Variants in ZNF705B observed in about 807,000 individuals in gnomAD.
ZNF705B encodes Putative zinc finger protein 705D-like protein LOC100132396.
Under a neutral mutation model 10.5 loss-of-function variants are expected in ZNF705B, and 1 was observed. The observed-to-expected ratio is 0.10, with a 90% CI of 0.03 to 0.45. The LOEUF (loss-of-function observed/expected upper bound fraction) is 0.45. Among genes scored for constraint, ZNF705B ranks in the 20% least tolerant of loss-of-function variants. ZNF705B has a pLI of 0.97. For missense variants in ZNF705B, 14 were observed against 84.0 expected (o/e 0.17, Z 3.26); for synonymous variants, 4 against 25.4 (o/e 0.16, Z 2.53).
At chr8:7,930,937 G>A (rs2719529) in intron 2 of ZNF705B, among the ~76,000 whole-genome samples, 15,854 of 78,982 alleles carry the variant, frequency 0.2, 1,647 homozygotes, top group Admixed American at 0.28. Flanking sequence ...ACTCACTGCA[G>A]CTCTGCCTCC....
chr8:7,931,180 C>A (rs376344971), intron 2 of ZNF705B, among the ~76,000 whole-genome samples: 3 of 121,004 alleles, frequency 2.5e-5, no homozygotes, highest in African/African-American at 5.0e-5. Flanking sequence ...GTGGTGAGCT[C>A]GGTAGATAGG....
chr8:7,937,218 C>A lies in ZNF705B; in HGVS notation c.-72+6782C>A, dbSNP rs546255372. Among the ~76,000 whole-genome samples, 769 of 118,574 alleles carry A rather than the reference C, an allele frequency of 6.5e-3. 36 individuals are homozygous for A. The highest frequency in any genetic ancestry group is 0.019 in the African/African-American group (730 of 38,782). The allele number at this position is 118,574 out of a possible 152,430, so 77.8% of individuals were successfully genotyped here. A position where few individuals can be genotyped will look rare whatever the true frequency, so the allele number is the denominator to read the frequency against. On this transcript the variant is annotated intron_variant, in intron 2 of 6. Transcript: ENST00000400120. Reference sequence around the variant, plus strand: ...CAGCACTAAGGCTTGGTATTCTGAGCCTCATTCTATTTTCCACTCTTGCCC... The same window carrying A: ...CAGCACTAAGGCTTGGTATTCTGAGACTCATTCTATTTTCCACTCTTGCCC...
Position 7,932,168 on chromosome 8 carries a change from G to A in ZNF705B, c.-72+1732G>A, listed in dbSNP as rs569987740. 7.1e-4 allele frequency among the ~76,000 whole-genome samples: 86 copies of A among 121,288 alleles called. 6 individuals are homozygous for A. The highest frequency in any genetic ancestry group is 2.1e-3 in the African/African-American group (82 of 39,846). The allele number at this position is 121,288 out of a possible 152,430, so 79.6% of individuals were successfully genotyped here. ...TGCAAGGGCTGAGAGACTGTCCCTT[G>A]GCTAGGATTGCAGTGTCCACAGTGG... On this transcript the variant is annotated intron_variant, in intron 2 of 6. Transcript: ENST00000400120.
chr8:7,935,296 C>G (rs77193404), intron 2 of ZNF705B, among the ~76,000 whole-genome samples: 1 of 144,128 alleles, frequency 6.9e-6, no homozygotes, highest in Non-Finnish European at 1.6e-5. Flanking sequence ...GTGAAACATT[C>G]AAGGTCTTCT....
chr8:7,936,710 G>A lies in ZNF705B; in HGVS notation c.-72+6274G>A, dbSNP rs1820025262. On this transcript the variant is annotated intron_variant, in intron 2 of 6. Transcript: ENST00000400120. ...ATAAAAATGGGAACAAGAGAGATTG[G>A]GTCTTACCAGGAGGGGAGGGAGAGG... Among the ~76,000 whole-genome samples, 8 of 118,102 alleles carry A rather than the reference G, an allele frequency of 6.8e-5. No homozygotes were observed. In the South Asian group the frequency reaches 2.3e-3, roughly 34 times the overall value. 77.5% of individuals were successfully genotyped at this position (118,102 alleles called of 152,430 possible).
chr8:7,937,643 G>A (rs530716963), intron 2 of ZNF705B, among the ~76,000 whole-genome samples: 1 of 119,820 alleles, frequency 8.3e-6, no homozygotes, highest in East Asian at 2.4e-4. Flanking sequence ...TATTTAACAA[G>A]TACTAGTGAG....
chr8:7,929,778 G>A (rs530017640), intron 1 of ZNF705B, among the ~76,000 whole-genome samples: 251 of 108,142 alleles, frequency 2.3e-3, no homozygotes, highest in African/African-American at 6.1e-3. Flanking sequence ...ACCACTAAAG[G>A]ATGCTTTATT....
rs539799913 is a variant in ZNF705B at position 7,940,868 on chromosome 8, T to G, written c.-71-6483T>G. 1.8e-3 allele frequency among the ~76,000 whole-genome samples: 266 copies of G among 145,232 alleles called. 1 individual carries two copies. Among genetic ancestry groups the G allele is most frequent in the African/African-American group, 6.5e-3 (261 of 40,308 alleles). The stretch of plus-strand genomic sequence containing the variant: ...ACCTGCCTCCCAACAGGCCCCAGTG[T>G]GTGTTGTTCCCCTCCTAATATCCAT... On this transcript the variant is annotated intron_variant, in intron 2 of 6. Transcript: ENST00000400120.
At chr8:7,934,692 C>CTGTGTGTGTGTGTGTGTG (rs772466497) in intron 2 of ZNF705B, 245 of 78,940 alleles carry the variant, frequency 3.1e-3, no homozygotes, top group African/African-American at 0.013. Context: ...GTGTGTGTGT[C>CTGTGTGTGTGTGTGTGTG]TGTGTGTGTG....
At chr8:7,931,033 A>T (rs1457683024) in intron 2 of ZNF705B, among the ~76,000 whole-genome samples, 2 of 119,058 alleles carry the variant, frequency 1.7e-5, no homozygotes, top group African/African-American at 5.1e-5. Context: ...TTTTGTCTTT[A>T]GTAGAGATGG....
At chr8:7,932,066 A>G (rs1819864288) in intron 2 of ZNF705B, among the ~76,000 whole-genome samples, 1 of 119,748 alleles carries the variant, frequency 8.4e-6, no homozygotes, top group African/African-American at 2.5e-5. Context: ...CGTGCAGACG[A>G]TCCAGTGCCA....
chr8:7,929,356 G>A (rs1182073240), intron 1 of ZNF705B, among the ~76,000 whole-genome samples: 1 of 121,156 alleles, frequency 8.3e-6, no homozygotes, highest in Non-Finnish European at 2.0e-5. Context: ...ATGTTTAAAG[G>A]GTGGTTTTCT....
rs540019125 is a variant in ZNF705B at position 7,932,264 on chromosome 8, G to C, written c.-72+1828G>C. Among the ~76,000 whole-genome samples, 478 of 121,012 alleles carry C rather than the reference G, an allele frequency of 4.0e-3. 17 individuals carry two copies. Among genetic ancestry groups the C allele is most frequent in the African/African-American group, 0.011 (432 of 39,738 alleles). 79.4% of individuals were successfully genotyped at this position (121,012 alleles called of 152,430 possible). On this transcript the variant is annotated intron_variant, in intron 2 of 6. Coordinates refer to ENST00000400120, the MANE Select transcript of ZNF705B (RefSeq NM_001193630.1). Reference sequence around the variant, plus strand: ...GGAGAGCCTGTCCTGGCTTTAAGCTGATTCTGGCTGGGCTGCTGCTTCATT... The same window carrying C: ...GGAGAGCCTGTCCTGGCTTTAAGCTCATTCTGGCTGGGCTGCTGCTTCATT...
chr8:7,927,629 C>A (rs1819733189), intron 1 of ZNF705B, among the ~76,000 whole-genome samples: 1 of 117,778 alleles, frequency 8.5e-6, no homozygotes, highest in South Asian at 3.0e-4. Context: ...GAGGTTGACA[C>A]TATAGCCATC....
chr8:7,932,782 C>T (rs964148564), intron 2 of ZNF705B, among the ~76,000 whole-genome samples: 1 of 113,502 alleles, frequency 8.8e-6, no homozygotes, highest in Non-Finnish European at 2.1e-5. Flanking sequence ...AGCTAACATA[C>T]TTTTAAATAT....
At chr8:7,928,524 G>C (rs1305359285) in intron 1 of ZNF705B, among the ~76,000 whole-genome samples, 6 of 119,716 alleles carry the variant, frequency 5.0e-5, no homozygotes, top group African/African-American at 1.5e-4. Context: ...GGAGAGAGAT[G>C]TAGAAACAAT....
At chr8:7,929,473 T>A (rs1408827116) in intron 1 of ZNF705B, among the ~76,000 whole-genome samples, 2 of 120,764 alleles carry the variant, frequency 1.7e-5, no homozygotes, top group African/African-American at 5.0e-5. Flanking sequence ...TAATTTATTC[T>A]GGGGAAAAAA....
rs1819815012 is a variant in ZNF705B at position 7,930,570 on chromosome 8, C to G, written c.-72+134C>G. The G allele has an allele frequency of 2.3e-5, 2 of 86,358 alleles. 1 individual carries two copies. The highest frequency in any genetic ancestry group is 6.6e-4 in the East Asian group (2 of 3,026). The allele number at this position is 86,358 out of a possible 1,614,324, so 5.3% of individuals were successfully genotyped here. A position where few individuals can be genotyped will look rare whatever the true frequency, so the allele number is the denominator to read the frequency against. On this transcript the variant is annotated intron_variant, in intron 2 of 6. Transcript: ENST00000400120. ...AGCTGCATAGCTGAGAAAAACACAG[C>G]ATGTACAACAAATTTCATTTTACAA...
Position 7,932,002 on chromosome 8 carries a change from G to T in ZNF705B, c.-72+1566G>T, listed in dbSNP as rs1281707905. Reference sequence around the variant, plus strand: ...GCCCCAGGGCAGGATGTAGTCTTTTGGGGGCTGGGCTCTCAAATTGGCATT... The same window carrying T: ...GCCCCAGGGCAGGATGTAGTCTTTTTGGGGCTGGGCTCTCAAATTGGCATT... On this transcript the variant is annotated intron_variant, in intron 2 of 6. Transcript: ENST00000400120. Among the ~76,000 whole-genome samples the T allele has an allele frequency of 1.7e-5, 2 of 120,704 alleles. 1 individual carries two copies. The highest frequency in any genetic ancestry group is 5.1e-5 in the African/African-American group (2 of 39,590). 79.2% of individuals were successfully genotyped at this position (120,704 alleles called of 152,430 possible).
Sources: allele counts gnomAD v4.1 joint callset (sites outside exome capture counted in the v4.1 genomes callset), GRCh38; gene constraint gnomAD v4.1.1; transcripts MANE v1.5; gene names NCBI Gene and HGNC (gene_info 2026-07-23, HGNC 2026-07-21).